NUP210L: variants seen among roughly 807,000 people sequenced by gnomAD.
NUP210L encodes nuclear pore membrane glycoprotein 210-like.
A neutral mutation model predicts 208.5 loss-of-function variants in NUP210L; 74 were observed. That is an observed-to-expected ratio of 0.35 (90% CI 0.29 to 0.43). NUP210L has a LOEUF of 0.43. Ranked by LOEUF, NUP210L falls within the 20% of genes least tolerant of loss-of-function variation. NUP210L has a pLI of 1.00. For missense variants in NUP210L, 1,843 were observed against 2,289.4 expected (o/e 0.81, Z 3.98); for synonymous variants, 780 against 816.9 (o/e 0.95, Z 0.77).
At chr1:154,125,650 G>C (rs1263196173) in intron 10 of NUP210L, among the ~76,000 whole-genome samples, 3 of 1,102 alleles carry the variant, frequency 2.7e-3, no homozygotes, top group African/African-American at 5.8e-3. Flanking sequence ...AGGAAGGAAG[G>C]AAGGAAGGAA....
rs147505276 is a variant in NUP210L at position 154,144,795 on chromosome 1, T to C, written c.341-1218A>G. Among the ~76,000 whole-genome samples, 113 of 152,314 alleles carry C rather than the reference T, an allele frequency of 7.4e-4. 1 individual carries two copies. The highest frequency in any genetic ancestry group is 2.6e-3 in the African/African-American group (110 of 41,578). On this transcript the variant is annotated intron_variant, in intron 2 of 39. Coordinates refer to ENST00000368559, the Ensembl canonical transcript of NUP210L. ...CTCTGTCCCTAACCATAGATCTGCTTTTAAGGAATTTTAAAATCAAAGGAG... is the reference window on the plus strand; with the variant it reads ...CTCTGTCCCTAACCATAGATCTGCTCTTAAGGAATTTTAAAATCAAAGGAG...
chr1:154,007,339 C>T (rs1179034678), intron 35 of NUP210L, among the ~76,000 whole-genome samples: 5 of 150,752 alleles, frequency 3.3e-5, no homozygotes, highest in South Asian at 2.1e-4. Flanking sequence ...CTTGGCTCAC[C>T]GCAACCTCCA....
chr1:154,010,069 C>T (rs761597206), exon 35 of NUP210L: 16 of 1,613,694 alleles, frequency 9.9e-6, no homozygotes, highest in South Asian at 5.5e-5. Context: ...GCATGAGGGT[C>T]GCTGGAAGAA....
intron 19 of NUP210L, 22 bp downstream of exon 19, chr1:154,060,920 A>T: frequency 6.8e-7 from 1 of 1,475,910 alleles, no homozygotes; most frequent in Non-Finnish European, 9.4e-7. Flanking sequence ...ATTCCATTTA[A>T]CTAGACTCAT....
chr1:154,059,342 A>G (rs545812147), intron 20 of NUP210L, among the ~76,000 whole-genome samples: 2 of 152,082 alleles, frequency 1.3e-5, no homozygotes, highest in South Asian at 4.1e-4. Flanking sequence ...CTCAAAAAAA[A>G]AAAAAAATTA....
chr1:154,005,741 G>A (rs1389312121), intron 35 of NUP210L, among the ~76,000 whole-genome samples: 1 of 134,170 alleles, frequency 7.5e-6, no homozygotes, highest in Non-Finnish European at 1.6e-5. Context: ...TTTTTTTTTT[G>A]AGACAGCGTT....
intron 17 of NUP210L, among the ~76,000 whole-genome samples, chr1:154,062,682 G>A (rs775546173): frequency 4.2e-5 from 6 of 142,288 alleles, no homozygotes; most frequent in Non-Finnish European, 9.0e-5. Flanking sequence ...CTACCTACCC[G>A]GCTCAAGCAG....
chr1:154,106,428 G>T (rs1197765049), intron 12 of NUP210L, among the ~76,000 whole-genome samples: 1 of 152,164 alleles, frequency 6.6e-6, no homozygotes, highest in South Asian at 2.1e-4. Flanking sequence ...GGCTGGTGAG[G>T]AGCTTCCCAT....
chr1:154,089,446 G>T, exon 16 of NUP210L: 1 of 1,614,146 alleles, frequency 6.2e-7, no homozygotes. Context: ...CTGTGGCAGA[G>T]GACATGGCTG....
chr1:154,024,099 T>C (rs956481723), intron 30 of NUP210L, among the ~76,000 whole-genome samples: 1 of 152,224 alleles, frequency 6.6e-6, no homozygotes, highest in Non-Finnish European at 1.5e-5. Flanking sequence ...TTTTTAATTT[T>C]TAAAGCTGTG....
intron 18 of NUP210L, 134 bp from the exon 19 acceptor site, chr1:154,061,180 C>A: frequency 1.7e-6 from 1 of 584,664 alleles, no homozygotes; most frequent in South Asian, 2.1e-5. Context: ...GAGTTTGAGA[C>A]CAGCTTGGCT....
chr1:154,035,566 T>G (rs1365643792), intron 27 of NUP210L, among the ~76,000 whole-genome samples: 1 of 151,216 alleles, frequency 6.6e-6, no homozygotes, highest in African/African-American at 2.4e-5. Flanking sequence ...CCCAGCTAAT[T>G]TTTTGTATTT....
intron 12 of NUP210L, among the ~76,000 whole-genome samples, chr1:154,109,967 C>A (rs1020927837): frequency 6.6e-6 from 1 of 151,376 alleles, no homozygotes; most frequent in Non-Finnish European, 1.5e-5. Flanking sequence ...GGTGCGGTGG[C>A]TCACACCTGT....
intron 6 of NUP210L, 62 bp from the exon 7 acceptor site, chr1:154,136,034 A>G (rs1308585683): frequency 2.4e-5 from 26 of 1,100,142 alleles, no homozygotes; most frequent in Admixed American, 7.3e-5. Context: ...ATAATGATGT[A>G]TTCTTGATCA....
At chr1:154,007,063 A>G (rs1453031506) in intron 35 of NUP210L, among the ~76,000 whole-genome samples, 2 of 137,282 alleles carry the variant, frequency 1.5e-5, no homozygotes, top group Non-Finnish European at 3.1e-5. Flanking sequence ...TTCTATTTCA[A>G]TCGATTCTCC....
chr1:154,111,469 C>T (rs1657036184), intron 12 of NUP210L, among the ~76,000 whole-genome samples: 1 of 150,962 alleles, frequency 6.6e-6, no homozygotes, highest in Admixed American at 6.6e-5. Flanking sequence ...CAGCCAATAC[C>T]ACAGAAATTT....
chr1:154,018,173 T>A (rs1651366119), intron 33 of NUP210L, among the ~76,000 whole-genome samples: 1 of 152,084 alleles, frequency 6.6e-6, no homozygotes, highest in Non-Finnish European at 1.5e-5. Context: ...GGTTTCACCA[T>A]GTTGGCCAGG....
intron 7 of NUP210L, among the ~76,000 whole-genome samples, chr1:154,132,184 A>G (rs1427187117): frequency 6.6e-6 from 1 of 152,200 alleles, no homozygotes; most frequent in Non-Finnish European, 1.5e-5. Context: ...TACGAACCTT[A>G]AAAGCTAGCA....
At chr1:154,000,794 A>C (rs1445451970) in intron 37 of NUP210L, 62 bp downstream of exon 37, 26 of 1,414,298 alleles carry the variant, frequency 1.8e-5, no homozygotes, top group Non-Finnish European at 2.5e-5. Context: ...GGGGGGTACT[A>C]ATGTAATACA....
Sources: allele counts gnomAD v4.1 joint callset (sites outside exome capture counted in the v4.1 genomes callset), GRCh38; gene constraint gnomAD v4.1.1; transcripts MANE v1.5; gene names NCBI Gene and HGNC (gene_info 2026-07-23, HGNC 2026-07-21).